Variants in PTK2 observed in about 807,000 individuals in gnomAD.
PTK2 encodes protein tyrosine kinase 2, also known as focal adhesion kinase 1.
A neutral mutation model predicts 150.1 loss-of-function variants in PTK2; 45 were observed. The observed-to-expected ratio is 0.30, with a 90% CI of 0.24 to 0.38. The LOEUF is 0.38. PTK2 is among the 10% of genes least tolerant of loss of function. The pLI, the probability that PTK2 is intolerant of heterozygous loss-of-function variation, is 1.00. For synonymous variants in PTK2, 432 were observed against 449.2 expected, an observed-to-expected ratio of 0.96 and a Z score of 0.48; for missense variants, 919 against 1,307.3, an observed-to-expected ratio of 0.70 and a Z score of 4.58.
chr8:140,782,508 G>C (rs1301265112), intron 14 of PTK2, among the ~76,000 whole-genome samples: 1 of 152,106 alleles, frequency 6.6e-6, no homozygotes, highest in East Asian at 1.9e-4. Context: ...AAAGTGCTAG[G>C]ACTACAGGCG....
intron 27 of PTK2, among the ~76,000 whole-genome samples, chr8:140,679,025 T>G (rs1360516263): frequency 2.7e-5 from 3 of 111,024 alleles, no homozygotes; most frequent in South Asian, 3.1e-4. Flanking sequence ...TTTTTTTTTT[T>G]TTTTTTTTTT....
intron 22 of PTK2, among the ~76,000 whole-genome samples, chr8:140,719,372 G>C (rs1211214601): frequency 6.6e-6 from 1 of 152,114 alleles, no homozygotes; most frequent in African/African-American, 2.4e-5. Flanking sequence ...TGCTCACTGG[G>C]TGCCAGCACT....
chr8:140,702,301 T>G (rs1266787517), intron 25 of PTK2, among the ~76,000 whole-genome samples: 1 of 149,514 alleles, frequency 6.7e-6, no homozygotes, highest in Non-Finnish European at 1.5e-5. Context: ...CTCACTGCAG[T>G]CTCGACTTCC....
chr8:140,687,302 G>A (rs2100020521), intron 26 of PTK2, among the ~76,000 whole-genome samples: 1 of 152,128 alleles, frequency 6.6e-6, no homozygotes, highest in Non-Finnish European at 1.5e-5. Flanking sequence ...TGGGTTACGG[G>A]CCTTCTACCA....
chr8:140,827,476 TA>T (rs2100112484), intron 8 of PTK2, among the ~76,000 whole-genome samples: 1 of 152,076 alleles, frequency 6.6e-6, no homozygotes, highest in Non-Finnish European at 1.5e-5. Context: ...AATGGAAGCC[TA>T]AACGATAGCC....
chr8:140,682,395 C>CA (rs1328631119), intron 27 of PTK2, among the ~76,000 whole-genome samples: 1 of 152,008 alleles, frequency 6.6e-6, no homozygotes, highest in Non-Finnish European at 1.5e-5. Flanking sequence ...ACAACAACAA[C>CA]AAAAAATTTA....
intron 16 of PTK2, among the ~76,000 whole-genome samples, chr8:140,759,693 C>CA (rs565129432): frequency 2.6e-5 from 4 of 150,946 alleles, no homozygotes; most frequent in South Asian, 4.2e-4. Context: ...GCTGTCTCTA[C>CA]AAAAAAAATT....
At chr8:140,814,683 C>G (rs889756963) in intron 10 of PTK2, among the ~76,000 whole-genome samples, 1 of 152,058 alleles carries the variant, frequency 6.6e-6, no homozygotes, top group Non-Finnish European at 1.5e-5. Context: ...AATAATAAGA[C>G]AGTGTAGCAA....
intron 1 of PTK2, among the ~76,000 whole-genome samples, chr8:140,933,922 T>C (rs922825603): frequency 4.0e-5 from 6 of 151,630 alleles, no homozygotes; most frequent in African/African-American, 1.2e-4. Context: ...AAGACAAAGA[T>C]TAAAGTGCCA....
intron 1 of PTK2, among the ~76,000 whole-genome samples, chr8:140,976,583 A>C (rs917865165): frequency 1.3e-5 from 2 of 152,252 alleles, no homozygotes; most frequent in Admixed American, 6.5e-5. Flanking sequence ...CAGCTAAGCT[A>C]AAACAAACTG....
intron 29 of PTK2, chr8:140,669,301 G>GTATGTGTATATATATATATATATA (rs547959878): frequency 1.0e-5 from 1 of 97,990 alleles, no homozygotes; most frequent in African/African-American, 4.7e-5. Context: ...GCATAAAATG[G>GTATGTGTATATATATATATATATA]TATATATATA....
At chr8:140,831,346 T>C (rs574777645) in intron 7 of PTK2, among the ~76,000 whole-genome samples, 1 of 151,976 alleles carries the variant, frequency 6.6e-6, no homozygotes, top group Non-Finnish European at 1.5e-5. Flanking sequence ...AGGAAACACA[T>C]AAAAGGATCA....
At position 140,793,400 on chromosome 8, in the gene PTK2, A is replaced by G. The variant is rs558371542; in HGVS notation, c.1094-16T>C. ...CGTTCACCTTCTGCGGGGAAAAAGAAAAGAGATGCATAAGGCTCTTTTCAC... is the reference window on the plus strand; with the variant it reads ...CGTTCACCTTCTGCGGGGAAAAAGAGAAGAGATGCATAAGGCTCTTTTCAC... On this transcript the variant is annotated splice_polypyrimidine_tract_variant and intron_variant, in intron 12 of 31. Transcript: ENST00000522684. 6.2e-7 allele frequency: 1 copy of G among 1,608,676 alleles called. No individual in the cohort carries two copies. The highest frequency in any genetic ancestry group is 1.1e-5 in the South Asian group (1 of 89,370).
intron 1 of PTK2, among the ~76,000 whole-genome samples, chr8:140,991,308 C>T (rs1355416409): frequency 6.6e-6 from 1 of 152,152 alleles, no homozygotes; most frequent in Non-Finnish European, 1.5e-5. Context: ...ACAAAACCAC[C>T]AGGGAGCTTG....
intron 1 of PTK2, among the ~76,000 whole-genome samples, chr8:140,947,618 A>G (rs1005127953): frequency 1.3e-5 from 2 of 152,132 alleles, no homozygotes; most frequent in African/African-American, 4.8e-5. Flanking sequence ...AAACTGAAGT[A>G]TGCAAGTTTT....
Position 140,744,783 on chromosome 8 carries a change from C to CAA in PTK2, c.1519-17_1519-16insTT. On this transcript the variant is annotated splice_polypyrimidine_tract_variant and intron_variant, in intron 18 of 31. Transcript: ENST00000522684. ...ATGACCTCAGCTTTTGGAACAATGA[C>CAA]CAAAAGAAAAAAAAAAAAAAAAGAA... is the stretch of plus-strand genomic sequence containing the variant. 2.5e-6 allele frequency: 3 copies of CAA among 1,189,020 alleles called. No homozygotes were observed. The highest frequency in any genetic ancestry group is 1.7e-5 in the African/African-American group (1 of 59,068). 73.7% of individuals were successfully genotyped at this position (1,189,020 alleles called of 1,614,324 possible).
At chr8:140,743,800 CAG>C (rs2100057136) in intron 19 of PTK2, among the ~76,000 whole-genome samples, 1 of 145,838 alleles carries the variant, frequency 6.9e-6, no homozygotes, top group Admixed American at 6.9e-5. Context: ...TTTTTTGAGA[CAG>C]AGTCTCGCTC....
chr8:140,911,426 T>C (rs752021265), intron 2 of PTK2, among the ~76,000 whole-genome samples: 11 of 152,184 alleles, frequency 7.2e-5, no homozygotes, highest in Non-Finnish European at 1.5e-4. Context: ...ACTGGTTTAA[T>C]GTTTTCTGCT....
intron 1 of PTK2, among the ~76,000 whole-genome samples, chr8:140,997,720 C>G (rs2100198338): frequency 6.6e-6 from 1 of 152,228 alleles, no homozygotes; most frequent in African/African-American, 2.4e-5. Flanking sequence ...GGGAGGATCA[C>G]TTGAGCCCAG....
Sources: gnomAD v4.1 joint callset for allele counts (sites outside exome capture counted in the v4.1 genomes callset) on GRCh38, gnomAD v4.1.1 for gene constraint, MANE v1.5 for transcripts, NCBI Gene and HGNC (gene_info 2026-07-23, HGNC 2026-07-21) for gene names.